CFAP44: variants seen among roughly 807,000 people sequenced by gnomAD.
CFAP44 encodes the protein cilia- and flagella-associated protein 44.
Under a neutral mutation model 216.2 loss-of-function variants are expected in CFAP44, and 134 were observed. The ratio of observed to expected loss-of-function variants is 0.62; its 90% CI spans 0.54 to 0.72. The LOEUF (loss-of-function observed/expected upper bound fraction) is 0.72. Ranked by LOEUF, CFAP44 falls within the 30% of genes least tolerant of loss-of-function variation. The probability of loss-of-function intolerance (pLI) is 0.00; values close to 1 mark genes in which losing one functional copy is unlikely to be tolerated. For missense variants in CFAP44, 2,035 were observed against 2,182.1 expected (o/e 0.93, Z 1.34); for synonymous variants, 700 against 727.6 (o/e 0.96, Z 0.61).
At chr3:113,349,466 G>A (rs1247985425) in intron 22 of CFAP44, among the ~76,000 whole-genome samples, 1 of 152,210 alleles carries the variant, frequency 6.6e-6, no homozygotes, top group Non-Finnish European at 1.5e-5. Flanking sequence ...ATGGCCCTCA[G>A]ACAAACCTCG....
At chr3:113,326,775 G>C (rs1950192843) in intron 27 of CFAP44, 135 bp from the exon 28 acceptor site, 1 of 477,252 alleles carries the variant, frequency 2.1e-6, no homozygotes. Flanking sequence ...TTACATTTCT[G>C]ATGTTTGCAG....
chr3:113,401,267 C>G lies in CFAP44; in HGVS notation c.1347G>C (p.Trp449Cys). 6.3e-7 allele frequency: 1 copy of G among 1,586,532 alleles called. No individual in the cohort carries two copies. Among genetic ancestry groups the G allele is most frequent in the South Asian group, 1.2e-5 (1 of 83,946 alleles). ...WLAQDANGAI[W>C]KLDLSFSNIT... ...TATTTGAAAAACTAAGGTCAAGCTT[C>G]CATATGGCTCCATTGGCATCCTAAA... Residue 449 changes from tryptophan to cysteine, a missense_variant, in exon 11 of 35, where the codon TGG becomes TGC. Transcript: ENST00000393845.
intron 22 of CFAP44, among the ~76,000 whole-genome samples, chr3:113,357,025 A>G (rs1267404772): frequency 6.6e-6 from 1 of 152,208 alleles, no homozygotes. Context: ...GAAGATATAC[A>G]TAATTCCTGC....
chr3:113,374,574 C>T (rs1933277007), intron 17 of CFAP44, among the ~76,000 whole-genome samples: 1 of 152,030 alleles, frequency 6.6e-6, no homozygotes, highest in Non-Finnish European at 1.5e-5. Flanking sequence ...TTTGAACACC[C>T]ACCTCATTCA....
Position 113,373,452 on chromosome 3 carries a change from A to G in CFAP44, c.2403T>C (p.Leu801=). 1 of 1,606,996 alleles carries G rather than the reference A, an allele frequency of 6.2e-7. No homozygotes were observed. Among genetic ancestry groups the G allele is most frequent in the Non-Finnish European group, 8.5e-7 (1 of 1,176,226 alleles). Residue 801 remains leucine, a synonymous_variant, in exon 18 of 35, where the codon CTT becomes CTC. Transcript: ENST00000393845. ...GGATGGGATTGTCCTCTGTATCCGC[A>G]AGATAACGGACATCAATAGGTTCAT... The part of the protein sequence containing the change: ...QKDEPIDVRY[L]ADTEDNPIQT...
chr3:113,323,781 C>T lies in CFAP44; in HGVS notation c.4516+2664G>A, dbSNP rs147102499. On this transcript the variant is annotated intron_variant, in intron 28 of 34. Coordinates refer to ENST00000393845, the MANE Select transcript of CFAP44 (RefSeq NM_001164496.2). ...CATTTGGGCTGGGTGCAGTGGCTCACGCCTGTAATCCCAGCACTTTGGGAG... is the reference window on the plus strand; with the variant it reads ...CATTTGGGCTGGGTGCAGTGGCTCATGCCTGTAATCCCAGCACTTTGGGAG... Among the ~76,000 whole-genome samples the T allele has an allele frequency of 7.8e-3, 1,193 of 152,214 alleles. 17 individuals are homozygous for T. The highest frequency in any genetic ancestry group is 0.027 in the African/African-American group (1,118 of 41,516).
At chr3:113,391,028 T>C (rs905765447) in intron 15 of CFAP44, among the ~76,000 whole-genome samples, 1 of 152,070 alleles carries the variant, frequency 6.6e-6, no homozygotes, top group Non-Finnish European at 1.5e-5. Context: ...AGACTCAGAA[T>C]AGACAAAGCT....
intron 5 of CFAP44, chr3:113,417,382 T>C (rs1934677465): frequency 6.6e-6 from 1 of 152,226 alleles, no homozygotes; most frequent in Non-Finnish European, 1.5e-5. Context: ...AAGATAGCCA[T>C]ATAAGTTGGA....
At chr3:113,292,267 TGGTTCATTC>T (rs1949837425) in intron 34 of CFAP44, among the ~76,000 whole-genome samples, 1 of 152,194 alleles carries the variant, frequency 6.6e-6, no homozygotes, top group African/African-American at 2.4e-5. Context: ...GAATATTACA[TGGTTCATTC>T]TGAACCATGT....
At chr3:113,429,444 G>A (rs1935044951) in intron 2 of CFAP44, among the ~76,000 whole-genome samples, 1 of 151,992 alleles carries the variant, frequency 6.6e-6, no homozygotes, top group African/African-American at 2.4e-5. Flanking sequence ...CTCCAGCCGT[G>A]TTATGCTTAC....
intron 28 of CFAP44, among the ~76,000 whole-genome samples, chr3:113,324,244 T>A (rs752727141): frequency 1.3e-5 from 2 of 151,828 alleles, no homozygotes; most frequent in Non-Finnish European, 2.9e-5. Flanking sequence ...GAAAAGAAAA[T>A]TTTCTGATTC....
chr3:113,341,694 T>G, intron 24 of CFAP44, 50 bp downstream of exon 24: 4 of 1,390,390 alleles, frequency 2.9e-6, no homozygotes, highest in Non-Finnish European at 3.7e-6. Context: ...ATATATTATT[T>G]TGGGGCTCAC....
chr3:113,299,890 G>A (rs560078353), intron 32 of CFAP44, among the ~76,000 whole-genome samples: 68 of 152,224 alleles, frequency 4.5e-4, no homozygotes, highest in Non-Finnish European at 8.1e-4. Flanking sequence ...AGTTACCCAG[G>A]CATGGTGGTG....
intron 6 of CFAP44, 43 bp downstream of exon 6, chr3:113,416,482 T>C: frequency 6.2e-6 from 9 of 1,447,024 alleles, no homozygotes; most frequent in Non-Finnish European, 8.7e-6. Flanking sequence ...CAGAATGTTG[T>C]TATCCTTGAA....
chr3:113,356,304 C>T (rs952652142), intron 22 of CFAP44, among the ~76,000 whole-genome samples: 2 of 151,502 alleles, frequency 1.3e-5, no homozygotes, highest in Admixed American at 6.6e-5. Flanking sequence ...GAATTTATTT[C>T]TTAATGACTA....
intron 2 of CFAP44, among the ~76,000 whole-genome samples, chr3:113,429,224 T>G (rs1234057342): frequency 1.3e-5 from 2 of 152,206 alleles, no homozygotes; most frequent in African/African-American, 4.8e-5. Flanking sequence ...AGCTGCTTTC[T>G]TACTATGATT....
chr3:113,427,884 T>C (rs1935004525), intron 2 of CFAP44, among the ~76,000 whole-genome samples: 1 of 151,984 alleles, frequency 6.6e-6, no homozygotes, highest in Non-Finnish European at 1.5e-5. Context: ...CCAAGCAGGA[T>C]GGGTATACTT....
intron 21 of CFAP44, chr3:113,362,766 TC>T: frequency 4.5e-6 from 2 of 446,914 alleles, no homozygotes; most frequent in Non-Finnish European, 6.7e-6. Flanking sequence ...TAGCCATAGT[TC>T]CCAACGAAGC....
At chr3:113,406,062 G>GTAAA (rs1934268356) in intron 8 of CFAP44, among the ~76,000 whole-genome samples, 1 of 152,190 alleles carries the variant, frequency 6.6e-6, no homozygotes, top group South Asian at 2.1e-4. Flanking sequence ...AGGAAGCTAT[G>GTAAA]TAAAATATTG....
Sources: gnomAD v4.1 joint callset for allele counts (sites outside exome capture counted in the v4.1 genomes callset) on GRCh38, gnomAD v4.1.1 for gene constraint, MANE v1.5 for transcripts, NCBI Gene and HGNC (gene_info 2026-07-23, HGNC 2026-07-21) for gene names.